Variants in HTR7 observed in about 807,000 individuals in gnomAD.
The protein encoded by HTR7 is 5-hydroxytryptamine receptor 7, also known as 5-HT-7.
A neutral mutation model predicts 34.0 loss-of-function variants in HTR7; 16 were observed. The observed-to-expected ratio is 0.47, with a 90% CI of 0.32 to 0.71. HTR7 has a LOEUF of 0.71. Ranked by LOEUF, HTR7 falls within the 30% of genes least tolerant of loss-of-function variation. The pLI is 0.04. For synonymous variants in HTR7, 265 were observed against 260.2 expected (o/e 1.02, Z -0.18); for missense variants, 504 against 625.5 (o/e 0.81, Z 2.07).
intron 1 of HTR7, among the ~76,000 whole-genome samples, chr10:90,845,029 G>T (rs1189959534): frequency 1.3e-5 from 2 of 152,114 alleles, no homozygotes; most frequent in Non-Finnish European, 2.9e-5. Context: ...AAAGATGATA[G>T]GGGCTGAAGT....
chr10:90,829,924 T>C (rs1846138705), intron 1 of HTR7, among the ~76,000 whole-genome samples: 2 of 151,622 alleles, frequency 1.3e-5, no homozygotes, highest in African/African-American at 4.8e-5. Context: ...TGAAAGAAAT[T>C]GAAGAGAACA....
intron 1 of HTR7, among the ~76,000 whole-genome samples, chr10:90,783,328 T>C (rs569680810): frequency 7.2e-5 from 11 of 152,268 alleles, no homozygotes; most frequent in South Asian, 6.2e-4. Flanking sequence ...CTGGGTCATG[T>C]TTTTAAAAGC....
chr10:90,830,570 GT>G (rs1205805346), intron 1 of HTR7, among the ~76,000 whole-genome samples: 1 of 152,132 alleles, frequency 6.6e-6, no homozygotes, highest in African/African-American at 2.4e-5. Context: ...CAGATAGCTT[GT>G]GCCCAGGAGT....
intron 1 of HTR7, among the ~76,000 whole-genome samples, chr10:90,840,433 T>C (rs1040648791): frequency 3.3e-5 from 5 of 152,182 alleles, no homozygotes; most frequent in Non-Finnish European, 7.3e-5. Flanking sequence ...GGCTGCTTCA[T>C]TCTCCTACCC....
chr10:90,853,247 A>G (rs1027951544), intron 1 of HTR7, among the ~76,000 whole-genome samples: 25 of 151,534 alleles, frequency 1.6e-4, no homozygotes, highest in African/African-American at 5.3e-4. Context: ...TTCATGTTTT[A>G]AAACTATGCA....
intron 1 of HTR7, among the ~76,000 whole-genome samples, chr10:90,791,086 AG>A (rs1247694545): frequency 6.6e-6 from 1 of 152,016 alleles, no homozygotes; most frequent in Non-Finnish European, 1.5e-5. Context: ...CATTTTGAAA[AG>A]GGGCAGGGTT....
intron 1 of HTR7, among the ~76,000 whole-genome samples, chr10:90,756,223 G>A (rs1299213582): frequency 6.6e-6 from 1 of 152,226 alleles, no homozygotes; most frequent in Non-Finnish European, 1.5e-5. Context: ...GAGGGTGCAG[G>A]AGGAAAGCTT....
At chr10:90,841,829 A>G (rs1846333840) in intron 1 of HTR7, among the ~76,000 whole-genome samples, 1 of 152,048 alleles carries the variant, frequency 6.6e-6, no homozygotes, top group East Asian at 1.9e-4. Context: ...GTGAAAACTC[A>G]TCTCTACTAA....
chr10:90,817,840 A>G (rs1379206552), intron 1 of HTR7, among the ~76,000 whole-genome samples: 3 of 152,228 alleles, frequency 2.0e-5, no homozygotes, highest in Non-Finnish European at 4.4e-5. Context: ...CAACTGTTGA[A>G]AGAATAAACA....
intron 1 of HTR7, among the ~76,000 whole-genome samples, chr10:90,831,593 C>T (rs1363659392): frequency 1.3e-5 from 2 of 152,166 alleles, no homozygotes; most frequent in African/African-American, 2.4e-5. Flanking sequence ...TGCTGGCTCG[C>T]GCAGCCTGCT....
intron 3 of HTR7, 92 bp downstream of exon 3, chr10:90,743,501 C>A: frequency 1.9e-6 from 2 of 1,028,674 alleles, no homozygotes; most frequent in African/African-American, 1.6e-5. Flanking sequence ...GTGCTTTCTC[C>A]AGCTCAGCAC....
chr10:90,755,677 A>G (rs1844824263), intron 1 of HTR7, among the ~76,000 whole-genome samples: 1 of 152,246 alleles, frequency 6.6e-6, no homozygotes, highest in African/African-American at 2.4e-5. Flanking sequence ...ACTAACAGCC[A>G]TCAGAGTGGT....
intron 1 of HTR7, among the ~76,000 whole-genome samples, chr10:90,808,655 C>T (rs944678568): frequency 1.3e-5 from 2 of 152,114 alleles, no homozygotes; most frequent in Admixed American, 6.5e-5. Context: ...GAACCCCTTC[C>T]CTCCTGTCTC....
At chr10:90,831,726 C>T (rs555769968) in intron 1 of HTR7, among the ~76,000 whole-genome samples, 1 of 152,290 alleles carries the variant, frequency 6.6e-6, no homozygotes, top group South Asian at 2.1e-4. Context: ...GGTGCGTTTA[C>T]AATCCCTGAG....
intron 1 of HTR7, among the ~76,000 whole-genome samples, chr10:90,788,318 G>T (rs1035451648): frequency 6.6e-6 from 1 of 152,040 alleles, no homozygotes; most frequent in African/African-American, 2.4e-5. Flanking sequence ...ATCCAGCTTT[G>T]GTATTTTTAA....
intron 1 of HTR7, among the ~76,000 whole-genome samples, chr10:90,831,828 G>A (rs1846184340): frequency 6.6e-6 from 1 of 152,154 alleles, no homozygotes; most frequent in South Asian, 2.1e-4. Context: ...GGCACAGAGT[G>A]CTGATTGGTG....
At chr10:90,777,604 AG>A (rs1200260874) in intron 1 of HTR7, among the ~76,000 whole-genome samples, 3 of 152,356 alleles carry the variant, frequency 2.0e-5, no homozygotes, top group Admixed American at 6.5e-5. Flanking sequence ...TCCATTTTTA[AG>A]AACTTTTCCA....
intron 1 of HTR7, among the ~76,000 whole-genome samples, chr10:90,796,240 G>A (rs1216322981): frequency 6.6e-6 from 1 of 152,086 alleles, no homozygotes; most frequent in Non-Finnish European, 1.5e-5. Flanking sequence ...ATTTTTGGCT[G>A]ACAAGCAATA....
intron 1 of HTR7, among the ~76,000 whole-genome samples, chr10:90,825,058 C>T (rs940248253): frequency 6.6e-6 from 1 of 152,238 alleles, no homozygotes; most frequent in Non-Finnish European, 1.5e-5. Context: ...AGGGCAGTCC[C>T]AGTGGTGGTG....
Sources: allele counts gnomAD v4.1 joint callset (sites outside exome capture counted in the v4.1 genomes callset), GRCh38; gene constraint gnomAD v4.1.1; transcripts MANE v1.5; gene names NCBI Gene and HGNC (gene_info 2026-07-23, HGNC 2026-07-21).